The following SMOC2 variants were observed in gnomAD, a reference collection of about 807,000 sequenced individuals.
The protein encoded by SMOC2 is SPARC related modular calcium binding 2, also known as SPARC-related modular calcium-binding protein 2.
SMOC2 carries 39 observed loss-of-function variants against 61.4 expected under a neutral mutation model. The ratio of observed to expected loss-of-function variants is 0.64; its 90% CI spans 0.49 to 0.83. The LOEUF (loss-of-function observed/expected upper bound fraction) is 0.83. Among genes scored for constraint, SMOC2 ranks in the 40% least tolerant of loss-of-function variants. The pLI, the probability that SMOC2 is intolerant of heterozygous loss-of-function variation, is 0.00. For missense variants in SMOC2, 556 were observed against 592.9 expected, an observed-to-expected ratio of 0.94 and a Z score of 0.65; for synonymous variants, 247 against 239.9, an observed-to-expected ratio of 1.03 and a Z score of -0.27.
chr6:168,497,880 A>G (rs1782630949), intron 1 of SMOC2, among the ~76,000 whole-genome samples: 1 of 152,210 alleles, frequency 6.6e-6, no homozygotes, highest in Non-Finnish European at 1.5e-5. Context: ...TTAGAATAAA[A>G]TGAAGTCTCA....
chr6:168,523,237 C>T (rs1241251157), intron 2 of SMOC2, among the ~76,000 whole-genome samples: 18 of 145,664 alleles, frequency 1.2e-4, no homozygotes, highest in Admixed American at 3.4e-4. Flanking sequence ...TACAGGCGCC[C>T]GCCACCGCGC....
rs1376257039 is a variant in SMOC2 at position 168,667,254 on chromosome 6, G to A, written c.*816G>A. On this transcript the variant is annotated 3_prime_UTR_variant, in exon 13 of 13. Coordinates refer to ENST00000356284, the MANE Select transcript of SMOC2 (RefSeq NM_001166412.2). ...CGCGGTGTGACCGAGCTGGCTAACAGGCTTGTCTGCCTGGTTTTCCTCCTA... is the reference window on the plus strand; with the variant it reads ...CGCGGTGTGACCGAGCTGGCTAACAAGCTTGTCTGCCTGGTTTTCCTCCTA... 2 of 152,134 alleles carry A rather than the reference G, an allele frequency of 1.3e-5. No individual in the cohort carries two copies. The highest frequency in any genetic ancestry group is 1.5e-5 in the Non-Finnish European group (1 of 68,050). The allele number at this position is 152,134 out of a possible 1,614,324, so 9.4% of individuals were successfully genotyped here. A position where few individuals can be genotyped will look rare whatever the true frequency, so the allele number is the denominator to read the frequency against.
At chr6:168,611,257 A>G (rs1363873764) in intron 9 of SMOC2, among the ~76,000 whole-genome samples, 1 of 126,792 alleles carries the variant, frequency 7.9e-6, no homozygotes, top group African/African-American at 3.0e-5. Flanking sequence ...TCTGGTTCCC[A>G]TGTCCGGGAC....
intron 7 of SMOC2, among the ~76,000 whole-genome samples, chr6:168,583,248 G>C (rs923906310): frequency 1.3e-5 from 2 of 152,166 alleles, no homozygotes; most frequent in African/African-American, 4.8e-5. Context: ...CCCGTGCCTG[G>C]CTCAGCCCTG....
At chr6:168,463,826 A>G (rs954686881) in intron 1 of SMOC2, among the ~76,000 whole-genome samples, 6 of 152,156 alleles carry the variant, frequency 3.9e-5, no homozygotes, top group African/African-American at 1.4e-4. Flanking sequence ...ATTGCCCTGT[A>G]GAGACGTCGG....
At chr6:168,632,461 A>G (rs959977046) in intron 9 of SMOC2, among the ~76,000 whole-genome samples, 2 of 152,242 alleles carry the variant, frequency 1.3e-5, no homozygotes, top group African/African-American at 4.8e-5. Context: ...TGGAGAGTTG[A>G]TGAAATTATC....
chr6:168,530,773 G>T (rs1274938566), intron 4 of SMOC2, among the ~76,000 whole-genome samples: 2 of 151,992 alleles, frequency 1.3e-5, no homozygotes, highest in African/African-American at 2.4e-5. Flanking sequence ...TTGCCCCTTT[G>T]CATGTGGGTG....
intron 12 of SMOC2, chr6:168,664,656 A>G (rs1787613368): frequency 4.3e-6 from 2 of 464,448 alleles, no homozygotes; most frequent in Non-Finnish European, 9.0e-6. Flanking sequence ...GTTGGGCTCC[A>G]AAAGGGGCTT....
At chr6:168,486,790 C>G (rs1782349861) in intron 1 of SMOC2, among the ~76,000 whole-genome samples, 1 of 152,032 alleles carries the variant, frequency 6.6e-6, no homozygotes, top group African/African-American at 2.4e-5. Context: ...TTCTTAGTTC[C>G]AACTCTCTGC....
intron 9 of SMOC2, among the ~76,000 whole-genome samples, chr6:168,634,526 A>G (rs1231733928): frequency 2.0e-5 from 3 of 152,102 alleles, no homozygotes; most frequent in African/African-American, 7.2e-5. Context: ...ACCGCAAACA[A>G]CCCTCACTGA....
At chr6:168,517,081 G>GT (rs576337303) in intron 2 of SMOC2, among the ~76,000 whole-genome samples, 215 of 152,340 alleles carry the variant, frequency 1.4e-3, no homozygotes, top group African/African-American at 4.5e-3. Context: ...CTAACTGTTG[G>GT]TTTTGGGGCC....
chr6:168,663,967 A>G, intron 11 of SMOC2, 107 bp from the exon 12 acceptor site: 1 of 915,668 alleles, frequency 1.1e-6, no homozygotes. Flanking sequence ...TTGCCAATTG[A>G]TAACACCTTC....
intron 5 of SMOC2, among the ~76,000 whole-genome samples, chr6:168,545,275 G>C (rs1237735408): frequency 6.6e-6 from 1 of 151,634 alleles, no homozygotes; most frequent in Non-Finnish European, 1.5e-5. Flanking sequence ...AAAAAATCTA[G>C]AGGAATTAGT....
intron 3 of SMOC2, 67 bp downstream of exon 3, chr6:168,526,519 G>C (rs1783457551): frequency 1.5e-6 from 2 of 1,367,692 alleles, no homozygotes; most frequent in Non-Finnish European, 2.1e-6. Context: ...AGCGGGTGTG[G>C]GGAGAAGGCA....
At chr6:168,533,227 A>G (rs888552327) in intron 4 of SMOC2, among the ~76,000 whole-genome samples, 3 of 152,034 alleles carry the variant, frequency 2.0e-5, no homozygotes, top group African/African-American at 7.3e-5. Flanking sequence ...CATCCCAGAG[A>G]TTTCTAAATC....
At chr6:168,480,838 C>G (rs957855134) in intron 1 of SMOC2, among the ~76,000 whole-genome samples, 1 of 152,172 alleles carries the variant, frequency 6.6e-6, no homozygotes, top group African/African-American at 2.4e-5. Flanking sequence ...CTCTCACATA[C>G]AAGGATCCTC....
chr6:168,456,997 C>T (rs1781601155), intron 1 of SMOC2, among the ~76,000 whole-genome samples: 1 of 152,202 alleles, frequency 6.6e-6, no homozygotes, highest in South Asian at 2.1e-4. Context: ...GACAAGCATG[C>T]ACACGCTCAT....
At chr6:168,534,531 T>A (rs977411657) in intron 4 of SMOC2, among the ~76,000 whole-genome samples, 3 of 152,240 alleles carry the variant, frequency 2.0e-5, no homozygotes, top group African/African-American at 7.2e-5. Context: ...AGCTCCCATC[T>A]GGGCCCAGCC....
intron 9 of SMOC2, among the ~76,000 whole-genome samples, chr6:168,642,081 T>G (rs925512898): frequency 6.6e-6 from 1 of 152,210 alleles, no homozygotes; most frequent in African/African-American, 2.4e-5. Context: ...ATGAGCAAAT[T>G]TCATTGGATA....
Sources: gnomAD v4.1 joint callset for allele counts (sites outside exome capture counted in the v4.1 genomes callset) on GRCh38, gnomAD v4.1.1 for gene constraint, MANE v1.5 for transcripts, NCBI Gene and HGNC (gene_info 2026-07-23, HGNC 2026-07-21) for gene names.